CATSPERB: variants seen among roughly 807,000 people sequenced by gnomAD.
The protein encoded by CATSPERB is cation channel sperm-associated auxiliary subunit beta.
A neutral mutation model predicts 128.3 loss-of-function variants in CATSPERB; 93 were observed. The observed-to-expected ratio is 0.72, with a 90% confidence interval of 0.61 to 0.86. The LOEUF (loss-of-function observed/expected upper bound fraction) is 0.86. Ranked by LOEUF, CATSPERB falls within the 40% of genes least tolerant of loss-of-function variation. The probability of loss-of-function intolerance (pLI) is 0.00; values close to 1 mark genes in which losing one functional copy is unlikely to be tolerated. For missense variants in CATSPERB, 1,153 were observed against 1,329.5 expected, an observed-to-expected ratio of 0.87 and a Z score of 2.06; for synonymous variants, 381 against 448.8, an observed-to-expected ratio of 0.85 and a Z score of 1.91.
chr14:91,700,184 T>G (rs1202779156), intron 7 of CATSPERB, among the ~76,000 whole-genome samples: 1 of 152,158 alleles, frequency 6.6e-6, no homozygotes, highest in Admixed American at 6.6e-5. Context: ...CATGCGGTGT[T>G]TGGTTTTCTG....
chr14:91,731,589 C>T (rs996692490), intron 1 of CATSPERB, among the ~76,000 whole-genome samples: 18 of 152,174 alleles, frequency 1.2e-4, no homozygotes, highest in African/African-American at 3.9e-4. Flanking sequence ...AGAATAAGCA[C>T]TTGACAAGTA....
At chr14:91,684,558 C>G (rs1359330424) in intron 10 of CATSPERB, among the ~76,000 whole-genome samples, 1 of 150,254 alleles carries the variant, frequency 6.7e-6, no homozygotes, top group South Asian at 2.1e-4. Flanking sequence ...GTGCAAAAGC[C>G]TTTGCTGATA....
intron 14 of CATSPERB, among the ~76,000 whole-genome samples, chr14:91,669,198 G>T (rs1398068868): frequency 6.6e-6 from 1 of 152,168 alleles, no homozygotes; most frequent in South Asian, 2.1e-4. Flanking sequence ...ACATAATATA[G>T]ATATTTGAGA....
At chr14:91,610,856 A>G (rs533088535) in intron 20 of CATSPERB, among the ~76,000 whole-genome samples, 179 bp from the exon 21 acceptor site, 4 of 152,288 alleles carry the variant, frequency 2.6e-5, no homozygotes, top group Admixed American at 6.5e-5. Context: ...GTGGGCCCCA[A>G]TCCAGTGTCA....
intron 9 of CATSPERB, 55 bp downstream of exon 9, chr14:91,693,067 CTTTT>C: frequency 8.6e-7 from 1 of 1,157,388 alleles, no homozygotes; most frequent in East Asian, 2.4e-5. Context: ...TTAAATATTT[CTTTT>C]TGTGTCACAG....
intron 5 of CATSPERB, among the ~76,000 whole-genome samples, chr14:91,716,781 G>A (rs1895949654): frequency 6.6e-6 from 1 of 150,952 alleles, no homozygotes; most frequent in African/African-American, 2.4e-5. Flanking sequence ...TTCTGGCCTG[G>A]ATGCAGATCA....
intron 15 of CATSPERB, among the ~76,000 whole-genome samples, chr14:91,654,609 A>C (rs1424162645): frequency 6.6e-6 from 1 of 151,842 alleles, no homozygotes; most frequent in Non-Finnish European, 1.5e-5. Flanking sequence ...TACCACATAG[A>C]CTCTAAGGGT....
intron 20 of CATSPERB, among the ~76,000 whole-genome samples, chr14:91,612,370 C>G (rs1595146372): frequency 6.6e-6 from 1 of 152,168 alleles, no homozygotes; most frequent in Non-Finnish European, 1.5e-5. Context: ...AGGCTGGTCT[C>G]GAACTCCTGG....
intron 14 of CATSPERB, among the ~76,000 whole-genome samples, chr14:91,666,859 C>G (rs1894992260): frequency 6.6e-6 from 1 of 152,196 alleles, no homozygotes. Flanking sequence ...GGGAACCAAT[C>G]AAGCATGACT....
chr14:91,661,100 G>A (rs919681657), intron 14 of CATSPERB, among the ~76,000 whole-genome samples: 1 of 152,112 alleles, frequency 6.6e-6, no homozygotes, highest in South Asian at 2.1e-4. Context: ...CAAAGCATAT[G>A]GTATGTGGAC....
chr14:91,597,784 G>A (rs979975836), intron 22 of CATSPERB, among the ~76,000 whole-genome samples: 2 of 152,108 alleles, frequency 1.3e-5, no homozygotes, highest in Non-Finnish European at 2.9e-5. Context: ...TTTAATTGCT[G>A]TCAGTGTTTA....
intron 2 of CATSPERB, among the ~76,000 whole-genome samples, chr14:91,727,298 G>C (rs940563575): frequency 5.3e-5 from 8 of 152,138 alleles, no homozygotes; most frequent in African/African-American, 1.9e-4. Flanking sequence ...TGTTCTAGGA[G>C]AACTGTGTGA....
In CATSPERB at chr14:91,610,580, C is replaced by T; in HGVS notation, c.2498G>A (p.Arg833Lys). The T allele has an allele frequency of 6.2e-7, 1 of 1,613,806 alleles. No homozygotes were observed. Among genetic ancestry groups the T allele is most frequent in the East Asian group, 2.2e-5 (1 of 44,882 alleles). ...PTLKSSCSYL[R>K]SMHHIPSKFI... ...TTTGCTAGGAATGTGATGCATAGAT[C>T]TGAGATAACTACAGCTGCTTTTCAG... The change falls in exon 21 of 27, where the codon AGA becomes AAA. Residue 833 changes from arginine (R) to lysine (K), a missense_variant. Physicochemically the swap from Arg to Lys is conservative, Grantham distance 26. Transcript: ENST00000256343.
intron 6 of CATSPERB, among the ~76,000 whole-genome samples, chr14:91,704,917 G>C (rs764950678): frequency 6.6e-6 from 1 of 152,224 alleles, no homozygotes; most frequent in Non-Finnish European, 1.5e-5. Flanking sequence ...GGGCTGGCAA[G>C]GTTACATTGC....
rs147900878 is a variant in CATSPERB, at chr14:91,659,581, A to T, written c.1432+256T>A. On this transcript the variant is annotated intron_variant, in intron 15 of 26. Transcript: ENST00000256343. ...ATGCTGAGCACAATTGTAGCTTGAC[A>T]AGTGGTAGCTGTTATTATTTGGCTT... 8.9e-3 allele frequency among the ~76,000 whole-genome samples: 1,359 copies of T among 152,316 alleles called. 15 individuals carry two copies. The highest frequency in any genetic ancestry group is 0.044 in the Middle Eastern group (13 of 294).
intron 17 of CATSPERB, among the ~76,000 whole-genome samples, chr14:91,625,341 C>A (rs1369256183): frequency 2.0e-5 from 3 of 152,146 alleles, no homozygotes; most frequent in Non-Finnish European, 2.9e-5. Context: ...AGCGTGCTAA[C>A]CTTTTCCCTG....
At chr14:91,728,678 C>CT (rs746780428) in intron 2 of CATSPERB, among the ~76,000 whole-genome samples, 17 of 152,170 alleles carry the variant, frequency 1.1e-4, no homozygotes, top group Non-Finnish European at 2.2e-4. Context: ...GAAAATTACT[C>CT]TTTCGCAAGC....
At chr14:91,610,282 C>T (rs1444606670) in intron 21 of CATSPERB, among the ~76,000 whole-genome samples, 198 bp downstream of exon 21, 4 of 152,012 alleles carry the variant, frequency 2.6e-5, no homozygotes, top group Non-Finnish European at 5.9e-5. Context: ...ACTAAGTTAC[C>T]AGGAAAAATA....
chr14:91,619,333 A>G (rs1893999936), intron 19 of CATSPERB, among the ~76,000 whole-genome samples: 1 of 152,184 alleles, frequency 6.6e-6, no homozygotes, highest in South Asian at 2.1e-4. Flanking sequence ...GAAAGTTAAA[A>G]CCATAAAATT....
Sources: allele counts gnomAD v4.1 joint callset (sites outside exome capture counted in the v4.1 genomes callset), GRCh38; gene constraint gnomAD v4.1.1; transcripts MANE v1.5; gene names NCBI Gene and HGNC (gene_info 2026-07-23, HGNC 2026-07-21).